The following FARP2 variants were observed in gnomAD, a reference collection of about 807,000 sequenced individuals.
The protein encoded by FARP2 is FERM, ARH/RhoGEF and pleckstrin domain protein 2.
Under a neutral mutation model 130.5 loss-of-function variants are expected in FARP2, and 111 were observed. The ratio of observed to expected loss-of-function variants is 0.85; its 90% CI spans 0.73 to 1.00. The LOEUF (loss-of-function observed/expected upper bound fraction) is 1.00. Ranked by LOEUF, FARP2 falls within the 50% of genes least tolerant of loss-of-function variation. The probability of loss-of-function intolerance (pLI) is 0.00; values close to 1 mark genes in which losing one functional copy is unlikely to be tolerated. For synonymous variants in FARP2, 504 were observed against 516.9 expected (o/e 0.98, Z 0.34); for missense variants, 1,385 against 1,346.3 (o/e 1.03, Z -0.45).
Position 241,394,517 on chromosome 2 carries a change from C to CAA in FARP2, c.184-9295_184-9294dup, listed in dbSNP as rs10592643. Among the ~76,000 whole-genome samples the CAA allele has an allele frequency of 1.5e-3, 118 of 79,806 alleles. 1 individual carries two copies. The highest frequency in any genetic ancestry group is 2.6e-3 in the Non-Finnish European group (101 of 39,404). The allele number at this position is 79,806 out of a possible 152,430, so 52.4% of individuals were successfully genotyped here. On this transcript the variant is annotated intron_variant, in intron 2 of 26. Coordinates refer to ENST00000264042, the MANE Select transcript of FARP2 (RefSeq NM_014808.4). The stretch of plus-strand genomic sequence containing the variant: ...TGGGTGACAGTGCGAGACTCCATCT[C>CAA]AAAAAAAAAAAAAAAAAGACATGTG...
Position 241,404,826 on chromosome 2 carries a change from A to G in FARP2, c.316A>G (p.Ile106Val). 1 of 1,610,084 alleles carries G rather than the reference A, an allele frequency of 6.2e-7. No individual in the cohort carries two copies. Residue 106 changes from isoleucine to valine, a missense_variant, in exon 4 of 27, where the codon ATT (isoleucine) becomes GTT (valine). Coordinates refer to ENST00000264042, the MANE Select transcript of FARP2 (RefSeq NM_014808.4). Reference sequence around the variant, plus strand: ...TTGGCTTGAACCTATGAAACCCATCATTAGGCAAATACGAAGTAAGTCCTT... The same window carrying G: ...TTGGCTTGAACCTATGAAACCCATCGTTAGGCAAATACGAAGTAAGTCCTT... The part of the protein sequence containing the change: ...WIWLEPMKPI[I>V]RQIRRPKNVV...
chr2:241,365,983 T>G (rs983212697), intron 1 of FARP2, among the ~76,000 whole-genome samples: 19 of 148,764 alleles, frequency 1.3e-4, no homozygotes, highest in African/African-American at 4.2e-4. Context: ...TCTTTTTTTT[T>G]TTTTAATATA....
At position 241,403,837 on chromosome 2, in the gene FARP2, G is replaced by T; in HGVS notation, c.193G>T (p.Asp65Tyr). Residue 65 changes from aspartate to tyrosine, a missense_variant, in exon 3 of 27, where the codon GAT (aspartate) becomes TAT (tyrosine). By Grantham distance (160) the Asp-to-Tyr change is radical (BLOSUM62 -3). Coordinates refer to ENST00000264042, the MANE Select transcript of FARP2 (RefSeq NM_014808.4). Reference sequence around the variant, plus strand: ...ATCTCTCTCTGCACAGCCTAAATGCGATGGCCAGGTATTACTGACACAAGT... The same window carrying T: ...ATCTCTCTCTGCACAGCCTAAATGCTATGGCCAGGTATTACTGACACAAGT... ...MEIFDIEPKC[D>Y]GQVLLTQVWK... 6.2e-7 allele frequency: 1 copy of T among 1,610,788 alleles called. No individual in the cohort carries two copies. The highest frequency in any genetic ancestry group is 8.5e-7 in the Non-Finnish European group (1 of 1,177,064).
At chr2:241,423,145 C>G (rs1251994071) in intron 8 of FARP2, among the ~76,000 whole-genome samples, 2 of 151,936 alleles carry the variant, frequency 1.3e-5, no homozygotes, top group African/African-American at 2.4e-5. Context: ...AAGATCTGCC[C>G]CAAGACATAT....
intron 15 of FARP2, among the ~76,000 whole-genome samples, chr2:241,462,983 C>T (rs550357689): frequency 4.8e-4 from 73 of 152,224 alleles, no homozygotes; most frequent in African/African-American, 1.5e-3. Context: ...TATGAGCCAC[C>T]GCCCAGCCAA....
In FARP2 at chr2:241,362,814, C is replaced by T. The variant is rs1242115757; in HGVS notation, c.-25+6426C>T. Among the ~76,000 whole-genome samples the T allele has an allele frequency of 2.0e-5, 3 of 152,222 alleles. No individual in the cohort carries two copies. The East Asian group carries it at 5.8e-4, about 29-fold the overall frequency. ...TCTGACTTCAAAGATAATGTATACT[C>T]GTCACTGTAGGTGATTTGACAAATA... On this transcript the variant is annotated intron_variant, in intron 1 of 26. Transcript: ENST00000264042.
At chr2:241,370,573 C>G (rs1438873328) in intron 1 of FARP2, among the ~76,000 whole-genome samples, 1 of 151,854 alleles carries the variant, frequency 6.6e-6, no homozygotes, top group East Asian at 1.9e-4. Flanking sequence ...AATCACATAC[C>G]CCATAAACAT....
At chr2:241,386,281 C>T (rs142261034) in intron 2 of FARP2, among the ~76,000 whole-genome samples, 73 of 152,196 alleles carry the variant, frequency 4.8e-4, no homozygotes, top group African/African-American at 1.5e-3. Context: ...GATGGGGTCC[C>T]GCTGTTGTTG....
At chr2:241,359,892 G>A (rs1019967789) in intron 1 of FARP2, among the ~76,000 whole-genome samples, 2 of 152,156 alleles carry the variant, frequency 1.3e-5, no homozygotes, top group African/African-American at 4.8e-5. Context: ...TGACATAAGC[G>A]AAGGGCTTGA....
At chr2:241,398,428 G>A (rs555825909) in intron 2 of FARP2, among the ~76,000 whole-genome samples, 1 of 152,248 alleles carries the variant, frequency 6.6e-6, no homozygotes, top group African/African-American at 2.4e-5. Flanking sequence ...AGTGTTGTTG[G>A]TATAGCTGTG....
intron 6 of FARP2, among the ~76,000 whole-genome samples, chr2:241,411,478 G>T (rs979600948): frequency 6.6e-6 from 1 of 152,232 alleles, no homozygotes; most frequent in African/African-American, 2.4e-5. Context: ...CCTGGAAAGG[G>T]CCTCACTGGG....
At chr2:241,376,803 G>A (rs2061545594) in intron 2 of FARP2, among the ~76,000 whole-genome samples, 2 of 152,220 alleles carry the variant, frequency 1.3e-5, no homozygotes, top group African/African-American at 4.8e-5. Context: ...ACTGAGCAGT[G>A]AGACCCCTGG....
intron 1 of FARP2, 92 bp from the exon 2 acceptor site, chr2:241,372,992 T>G (rs1039066559): frequency 3.5e-6 from 2 of 567,816 alleles, no homozygotes; most frequent in Non-Finnish European, 5.5e-6. Flanking sequence ...TACAGAGGAT[T>G]CCCGTGTCTC....
In FARP2 at chr2:241,453,469, A is replaced by T. The variant is rs571160875; in HGVS notation, c.1412-3278A>T. Among the ~76,000 whole-genome samples, 11 of 151,610 alleles carry T rather than the reference A, an allele frequency of 7.3e-5. No individual in the cohort carries two copies. The East Asian group carries it at 1.2e-3, about 16-fold the overall frequency. The stretch of plus-strand genomic sequence containing the variant: ...AACCCCGTCTCTACTAAAAATACAA[A>T]AAATTAGCCAGGCATGGTGGTGGGA... On this transcript the variant is annotated intron_variant, in intron 13 of 26. Transcript: ENST00000264042.
intron 2 of FARP2, among the ~76,000 whole-genome samples, chr2:241,377,046 C>A (rs565577151): frequency 2.2e-4 from 34 of 152,268 alleles, no homozygotes; most frequent in Admixed American, 5.9e-4. Flanking sequence ...GCAGTGTTTT[C>A]TAACCTCAGG....
chr2:241,465,246 T>C (rs6752327), intron 17 of FARP2, among the ~76,000 whole-genome samples: 56,988 of 152,040 alleles, frequency 0.37, 10,937 homozygotes, highest in Admixed American at 0.52. Flanking sequence ...TCAATGGGTC[T>C]GCCCAGAACA....
intron 21 of FARP2, among the ~76,000 whole-genome samples, chr2:241,486,461 C>CAAAAAAAAAAAAAA (rs56961097): frequency 2.0e-5 from 1 of 50,018 alleles, no homozygotes; most frequent in African/African-American, 8.7e-5. Context: ...GACCTCGTCT[C>CAAAAAAAAAAAAAA]AAAAAAAAAA....
chr2:241,402,664 A>G (rs1298499489), intron 2 of FARP2, among the ~76,000 whole-genome samples: 2 of 149,392 alleles, frequency 1.3e-5, no homozygotes, highest in Non-Finnish European at 3.0e-5. Flanking sequence ...CTCTATTTCC[A>G]TTTTTCTTCT....
chr2:241,491,032 GC>G, intron 22 of FARP2, 28 bp from the exon 23 acceptor site: 1 of 1,544,348 alleles, frequency 6.5e-7, no homozygotes, highest in Non-Finnish European at 9.0e-7. Context: ...GAAGAGCAGA[GC>G]CACTGAGCCT....
Sources: gnomAD v4.1 joint callset for allele counts (sites outside exome capture counted in the v4.1 genomes callset) on GRCh38, gnomAD v4.1.1 for gene constraint, MANE v1.5 for transcripts, NCBI Gene and HGNC (gene_info 2026-07-23, HGNC 2026-07-21) for gene names.